The following OGT variants were observed in gnomAD, a reference collection of about 807,000 sequenced individuals.
OGT encodes O-linked N-acetylglucosamine (GlcNAc) transferase.
OGT carries 3 observed loss-of-function variants against 75.8 expected under a neutral mutation model. The observed-to-expected ratio is 0.04, with a 90% CI of 0.02 to 0.10. OGT has a LOEUF of 0.10. Ranked by LOEUF, OGT falls within the 10% of genes least tolerant of loss-of-function variation. The probability of loss-of-function intolerance (pLI) is 1.00; values close to 1 mark genes in which losing one functional copy is unlikely to be tolerated. For missense variants in OGT, 260 were observed against 824.4 expected (o/e 0.32, Z 8.38); for synonymous variants, 257 against 289.7 (o/e 0.89, Z 1.15).
chrX:71,561,088 C>T (rs1295299851), intron 14 of OGT, among the ~76,000 whole-genome samples: 2 of 109,487 alleles, frequency 1.8e-5, no homozygotes, highest in African/African-American at 6.7e-5. Context: ...CCACCACACC[C>T]GGCTAATTTT....
chrX:71,544,074 C>T (rs2040243317), intron 3 of OGT, among the ~76,000 whole-genome samples: 1 of 110,237 alleles, frequency 9.1e-6, no homozygotes, highest in East Asian at 2.8e-4. Flanking sequence ...GCATGAGCCA[C>T]CACGCCCGGC....
intron 18 of OGT, among the ~76,000 whole-genome samples, chrX:71,564,006 T>G (rs958941794): frequency 8.9e-5 from 10 of 112,346 alleles, no homozygotes; most frequent in Admixed American, 7.6e-4. Flanking sequence ...TGAATTGAAT[T>G]ACTGAGCCCA....
chrX:71,561,509 G>A (rs2040384288), intron 14 of OGT, among the ~76,000 whole-genome samples: 1 of 109,467 alleles, frequency 9.1e-6, no homozygotes, highest in African/African-American at 3.3e-5. Flanking sequence ...ATTTCTCTGT[G>A]ATATGTTGTT....
chrX:71,536,114 G>A, intron 1 of OGT, 64 bp from the exon 2 acceptor site: 1 of 977,179 alleles, frequency 1.0e-6, no homozygotes, highest in Non-Finnish European at 1.4e-6. Flanking sequence ...ACATTTTTTT[G>A]GTTTACATTT....
intron 19 of OGT, among the ~76,000 whole-genome samples, chrX:71,567,116 T>C (rs571887957): frequency 8.9e-6 from 1 of 112,794 alleles, no homozygotes; most frequent in Middle Eastern, 4.6e-3. Flanking sequence ...TCTGGCCCTT[T>C]ACAGAAAAGA....
At chrX:71,552,058 GAAAA>G (rs1218877356) in intron 5 of OGT, among the ~76,000 whole-genome samples, 5 of 101,801 alleles carry the variant, frequency 4.9e-5, no homozygotes, top group African/African-American at 1.8e-4. Flanking sequence ...AAATACAAAA[GAAAA>G]AAAAAACAGC....
At chrX:71,554,465 G>A in intron 5 of OGT, 48 bp from the exon 6 acceptor site, 1 of 946,097 alleles carries the variant, frequency 1.1e-6, no homozygotes. Context: ...AGTTGATCTG[G>A]TGAAATCCTA....
chrX:71,566,012 A>C (rs1046201005), intron 19 of OGT, among the ~76,000 whole-genome samples: 2 of 112,697 alleles, frequency 1.8e-5, no homozygotes, highest in African/African-American at 3.2e-5. Flanking sequence ...CATAAGTGGG[A>C]TATCGGATAG....
Position 71,548,026 on chromosome X carries a change from T to C in OGT, c.648+3T>C. On this transcript the variant is annotated splice_donor_region_variant and intron_variant, in intron 5 of 21. Coordinates refer to ENST00000373719, the MANE Select transcript of OGT (RefSeq NM_181672.3). ...TTGCAATTCATCACTTTGAAAAGGT[T>C]AGTCATTAAATTAATAATTGGTATT... 8.3e-7 allele frequency: 1 copy of C among 1,208,072 alleles called. No individual in the cohort carries two copies. Among genetic ancestry groups the C allele is most frequent in the Non-Finnish European group, 1.1e-6 (1 of 893,286 alleles).
intron 4 of OGT, chrX:71,545,949 C>T (rs1418285860): frequency 7.8e-6 from 1 of 128,213 alleles, no homozygotes; most frequent in African/African-American, 3.2e-5. Context: ...TATTTCAGAG[C>T]TCTGGAGACA....
intron 6 of OGT, among the ~76,000 whole-genome samples, 194 bp from the exon 7 acceptor site, chrX:71,554,996 A>T (rs1374172197): frequency 8.9e-6 from 1 of 112,060 alleles, no homozygotes; most frequent in Non-Finnish European, 1.9e-5. Context: ...GACACATTTT[A>T]TAAAGGTGTG....
At chrX:71,557,801 T>C (rs2040352367) in intron 12 of OGT, 129 bp downstream of exon 12, 2 of 557,503 alleles carry the variant, frequency 3.6e-6, no homozygotes, top group East Asian at 3.7e-5. Context: ...AATAAAACTT[T>C]TGTGGGCCAC....
chrX:71,561,759 A>G lies in OGT; in HGVS notation c.1852-16A>G. On this transcript the variant is annotated splice_polypyrimidine_tract_variant and intron_variant, in intron 14 of 21. Coordinates refer to ENST00000373719, the MANE Select transcript of OGT (RefSeq NM_181672.3). The stretch of plus-strand genomic sequence containing the variant: ...CTGAGATTATACATAGTGAGTTCTT[A>G]TTTTGTATTCTGTAGATTCCATGCA... 8.5e-7 allele frequency: 1 copy of G among 1,176,108 alleles called. No homozygotes were observed. The highest frequency in any genetic ancestry group is 2.5e-5 in the Admixed American group (1 of 40,696).
intron 1 of OGT, among the ~76,000 whole-genome samples, chrX:71,535,564 T>C (rs1223636765): frequency 8.9e-6 from 1 of 111,959 alleles, no homozygotes; most frequent in Non-Finnish European, 1.9e-5. Context: ...CACTTTGACT[T>C]TTTGGTTTTT....
intron 12 of OGT, among the ~76,000 whole-genome samples, chrX:71,558,202 C>T (rs982964291): frequency 4.5e-5 from 5 of 110,630 alleles, no homozygotes; most frequent in East Asian, 2.8e-4. Flanking sequence ...CTGCCCACCT[C>T]GCCCGGCCAA....
At chrX:71,548,101 C>T in intron 5 of OGT, 78 bp downstream of exon 5, 2 of 969,855 alleles carry the variant, frequency 2.1e-6, no homozygotes, top group Non-Finnish European at 2.9e-6. Context: ...AATAATAGGT[C>T]TTAGCCAGTG....
At chrX:71,538,122 A>C in intron 3 of OGT, 50 bp downstream of exon 3, 1 of 1,169,807 alleles carries the variant, frequency 8.5e-7, no homozygotes, top group African/African-American at 1.8e-5. Context: ...CCCAGAAAGA[A>C]ACATAGTGTG....
chrX:71,549,536 A>G (rs1470335215), intron 5 of OGT, among the ~76,000 whole-genome samples: 1 of 110,251 alleles, frequency 9.1e-6, no homozygotes, highest in Non-Finnish European at 1.9e-5. Context: ...CCTGTAATCC[A>G]GCACTTTGCG....
chrX:71,567,631 T>G lies in OGT; in HGVS notation c.2721T>G (p.Pro907=), dbSNP rs759092152. ...QNRIIFSPVA[P]KEEHVRRGQL... Reference sequence around the variant, plus strand: ...GTATCATTTTTTCACCTGTTGCTCCTAAAGAGGAACACGTCAGGAGAGGCC... The same window carrying G: ...GTATCATTTTTTCACCTGTTGCTCCGAAAGAGGAACACGTCAGGAGAGGCC... Residue 907 remains proline (P), a synonymous_variant, in exon 20 of 22, where the codon CCT becomes CCG. Transcript: ENST00000373719. 3 of 1,210,121 alleles carry G rather than the reference T, an allele frequency of 2.5e-6. No homozygotes were observed. The African/African-American group carries it at 5.2e-5, about 21-fold the overall frequency.
Sources: gnomAD v4.1 joint callset for allele counts (sites outside exome capture counted in the v4.1 genomes callset) on GRCh38, gnomAD v4.1.1 for gene constraint, MANE v1.5 for transcripts, NCBI Gene and HGNC (gene_info 2026-07-23, HGNC 2026-07-21) for gene names.